SPRTN: variants seen among roughly 807,000 people sequenced by gnomAD.
SPRTN encodes the protein SprT-like N-terminal domain.
A neutral mutation model predicts 31.9 loss-of-function variants in SPRTN; 11 were observed. That is an observed-to-expected ratio of 0.34 (90% CI 0.22 to 0.57). The LOEUF is 0.57. Among genes scored for constraint, SPRTN ranks in the 20% least tolerant of loss-of-function variants. The pLI, the probability that SPRTN is intolerant of heterozygous loss-of-function variation, is 0.86. For missense variants in SPRTN, 482 were observed against 590.1 expected, an observed-to-expected ratio of 0.82 and a Z score of 1.90; for synonymous variants, 185 against 212.1, an observed-to-expected ratio of 0.87 and a Z score of 1.11.
In SPRTN at chr1:231,353,046, A is replaced by C. The variant is rs1461637987; in HGVS notation, c.1155A>C (p.Val385=). The change falls in exon 5 of 5, where the codon GTA becomes GTC. Residue 385 remains valine (V), a synonymous_variant. Coordinates refer to ENST00000295050, the MANE Select transcript of SPRTN (RefSeq NM_032018.7). ...SKISLRNSSK[V]TESASVMPSQ... ...TATCCCTAAGAAATTCTTCAAAAGT[A>C]ACGGAATCAGCATCTGTGATGCCAT... The C allele has an allele frequency of 1.9e-6, 3 of 1,614,198 alleles. No homozygotes were observed. The highest frequency in any genetic ancestry group is 2.5e-6 in the Non-Finnish European group (3 of 1,180,020).
chr1:231,342,671 C>T (rs1686931462), intron 2 of SPRTN, among the ~76,000 whole-genome samples: 1 of 151,920 alleles, frequency 6.6e-6, no homozygotes, highest in South Asian at 2.1e-4. Flanking sequence ...GGTGATCCTT[C>T]TGCCTCAGCC....
chr1:231,348,247 G>A (rs1378548169), intron 3 of SPRTN, among the ~76,000 whole-genome samples: 3 of 152,140 alleles, frequency 2.0e-5, no homozygotes, highest in Non-Finnish European at 4.4e-5. Flanking sequence ...AGTCCATCCT[G>A]TATCCTGCTA....
chr1:231,353,148 T>C lies in SPRTN; in HGVS notation c.1257T>C (p.Asn419=). ...PRLEDKTVFD[N]FFIKKEQIKS... Reference sequence around the variant, plus strand: ...TAGAAGATAAGACTGTTTTTGACAATTTTTTTATCAAGAAAGAGCAAATAA... The same window carrying C: ...TAGAAGATAAGACTGTTTTTGACAACTTTTTTATCAAGAAAGAGCAAATAA... Residue 419 remains asparagine (N), a synonymous_variant, in exon 5 of 5, where the codon AAT becomes AAC. Coordinates refer to ENST00000295050, the MANE Select transcript of SPRTN (RefSeq NM_032018.7). 3 of 1,611,658 alleles carry C rather than the reference T, an allele frequency of 1.9e-6. No individual in the cohort carries two copies. The highest frequency in any genetic ancestry group is 2.5e-6 in the Non-Finnish European group (3 of 1,179,210).
chr1:231,355,021 G>GTATT, exon 5 of SPRTN: 1 of 576,236 alleles, frequency 1.7e-6, no homozygotes, highest in Non-Finnish European at 2.2e-6. Flanking sequence ...TTATAAATAG[G>GTATT]TATTAAAATG....
chr1:231,338,360 A>G lies in SPRTN; in HGVS notation c.-24A>G, dbSNP rs746776286. On this transcript the variant is annotated 5_prime_UTR_variant, in exon 1 of 5. Transcript: ENST00000295050. Reference sequence around the variant, plus strand: ...TGGGGAGCCAGCCTGACGCCGGCGGACCCCGCCTGTGATCCTGGCAACGAT... The same window carrying G: ...TGGGGAGCCAGCCTGACGCCGGCGGGCCCCGCCTGTGATCCTGGCAACGAT... 1 of 1,610,742 alleles carries G rather than the reference A, an allele frequency of 6.2e-7. No individual in the cohort carries two copies. The highest frequency in any genetic ancestry group is 8.5e-7 in the Non-Finnish European group (1 of 1,177,940).
At chr1:231,352,148 C>CAGA in intron 4 of SPRTN, 3 of 989,384 alleles carry the variant, frequency 3.0e-6, no homozygotes, top group Non-Finnish European at 3.6e-6. Context: ...GATGCTTCTT[C>CAGA]CCTTGGGAAG....
At chr1:231,345,842 G>A (rs1300059724) in intron 2 of SPRTN, among the ~76,000 whole-genome samples, 3 of 152,042 alleles carry the variant, frequency 2.0e-5, no homozygotes, top group Non-Finnish European at 4.4e-5. Flanking sequence ...TGTTTTTTGA[G>A]ACAGGGTCTT....
intron 2 of SPRTN, among the ~76,000 whole-genome samples, chr1:231,346,714 G>A (rs1001512647): frequency 1.1e-4 from 17 of 152,082 alleles, no homozygotes; most frequent in African/African-American, 2.9e-4. Context: ...AGGCTGAGGC[G>A]GGCAGATTGC....
At position 231,353,791 on chromosome 1, in the gene SPRTN, A is replaced by G. The variant is rs928124489; in HGVS notation, c.*430A>G. On this transcript the variant is annotated 3_prime_UTR_variant, in exon 5 of 5. Coordinates refer to ENST00000295050, the MANE Select transcript of SPRTN (RefSeq NM_032018.7). ...GATGTAAATCTTCATAGTGTCAGAC[A>G]TACTGACCAAAACCACAATCTAGAC... 5 of 980,574 alleles carry G rather than the reference A, an allele frequency of 5.1e-6. No homozygotes were observed. In the African/African-American group the frequency reaches 7.0e-5, roughly 14 times the overall value. The allele number at this position is 980,574 out of a possible 1,614,324, so 60.7% of individuals were successfully genotyped here. A position where few individuals can be genotyped will look rare whatever the true frequency, so the allele number is the denominator to read the frequency against.
intron 2 of SPRTN, among the ~76,000 whole-genome samples, chr1:231,341,802 C>T (rs1026927019): frequency 3.3e-5 from 5 of 152,200 alleles, no homozygotes; most frequent in East Asian, 1.9e-4. Flanking sequence ...GCCTGACCAA[C>T]ATGGTGAAAC....
Position 231,353,161 on chromosome 1 carries a change from A to T in SPRTN, c.1270A>T (p.Lys424Ter), listed in dbSNP as rs1354005935. Residue 424 changes from lysine to a stop codon, truncating the protein, a stop_gained, in exon 5 of 5, where the codon AAA becomes TAA. Transcript: ENST00000295050. LOFTEE classifies it low-confidence loss of function (END_TRUNC). The part of the protein sequence containing the change: ...KTVFDNFFIK[K>*]EQIKSSGNDP... ...TGTTTTTGACAATTTTTTTATCAAG[A>T]AAGAGCAAATAAAAAGCAGTGGTAA... 1 of 1,612,176 alleles carries T rather than the reference A, an allele frequency of 6.2e-7. No homozygotes were observed. Among genetic ancestry groups the T allele is most frequent in the Admixed American group, 1.7e-5 (1 of 59,598 alleles).
At chr1:231,351,004 T>C (rs1687209353) in intron 3 of SPRTN, among the ~76,000 whole-genome samples, 1 of 152,102 alleles carries the variant, frequency 6.6e-6, no homozygotes, top group Non-Finnish European at 1.5e-5. Context: ...AAACTTTTAG[T>C]GTTCATGAAG....
intron 3 of SPRTN, 141 bp downstream of exon 3, chr1:231,348,066 A>G (rs1400765073): frequency 5.8e-6 from 7 of 1,212,388 alleles, no homozygotes; most frequent in Non-Finnish European, 7.9e-6. Flanking sequence ...AGAGAAGCAA[A>G]TTGGCTTGTC....
intron 4 of SPRTN, 179 bp from the exon 5 acceptor site, chr1:231,352,431 A>G: frequency 1.5e-6 from 2 of 1,296,972 alleles, no homozygotes; most frequent in Non-Finnish European, 2.0e-6. Context: ...TTCTCTCAAT[A>G]TCAGAACTCC....
At chr1:231,346,865 C>T (rs1158869745) in intron 2 of SPRTN, among the ~76,000 whole-genome samples, 3 of 151,606 alleles carry the variant, frequency 2.0e-5, no homozygotes, top group Admixed American at 6.6e-5. Flanking sequence ...TCACTTGGAC[C>T]GAGGAGGCAG....
At position 231,339,764 on chromosome 1, in the gene SPRTN, T is replaced by C. The variant is rs1236147683; in HGVS notation, c.222-5T>C. 6.2e-7 allele frequency: 1 copy of C among 1,614,150 alleles called. No homozygotes were observed. Among genetic ancestry groups the C allele is most frequent in the Non-Finnish European group, 8.5e-7 (1 of 1,179,980 alleles). ...TAACACATTTTTATGGTGATTGTTTTCTAGGTGTGCTGGGATATGCAGCTA... is the reference window on the plus strand; with the variant it reads ...TAACACATTTTTATGGTGATTGTTTCCTAGGTGTGCTGGGATATGCAGCTA... On this transcript the variant is annotated splice_region_variant and splice_polypyrimidine_tract_variant and intron_variant, in intron 1 of 4. Transcript: ENST00000295050.
chr1:231,342,024 C>T (rs541673491), intron 2 of SPRTN, among the ~76,000 whole-genome samples: 12 of 152,212 alleles, frequency 7.9e-5, no homozygotes, highest in African/African-American at 2.4e-4. Context: ...GCAATCCTCC[C>T]GCCTCAGCCT....
rs756741522 is a variant in SPRTN, at chr1:231,352,582, A to G, written c.719-28A>G. The G allele has an allele frequency of 7.2e-6, 11 of 1,536,632 alleles. No homozygotes were observed. In the East Asian group the frequency reaches 1.1e-4, roughly 16 times the overall value. ...ATTTCTTTTGAGTTGAGGCACTTACATAACAATCTTCTTTGCTTTTTTGGC... is the reference window on the plus strand; with the variant it reads ...ATTTCTTTTGAGTTGAGGCACTTACGTAACAATCTTCTTTGCTTTTTTGGC... On this transcript the variant is annotated intron_variant, in intron 4 of 4. Transcript: ENST00000295050.
At chr1:231,343,288 A>G (rs1157343946) in intron 2 of SPRTN, among the ~76,000 whole-genome samples, 1 of 152,040 alleles carries the variant, frequency 6.6e-6, no homozygotes, top group Non-Finnish European at 1.5e-5. Flanking sequence ...TATATACTCT[A>G]TAGCCTAGGT....
Sources: allele counts gnomAD v4.1 joint callset (sites outside exome capture counted in the v4.1 genomes callset), GRCh38; gene constraint gnomAD v4.1.1; transcripts MANE v1.5; gene names NCBI Gene and HGNC (gene_info 2026-07-23, HGNC 2026-07-21).